MYH10: variants seen among roughly 807,000 people sequenced by gnomAD.
MYH10 encodes myosin heavy chain 10.
Under a neutral mutation model 257.8 loss-of-function variants are expected in MYH10, and 55 were observed. That is an observed-to-expected ratio of 0.21 (90% CI 0.17 to 0.27). MYH10 has a LOEUF of 0.27. MYH10 is among the 10% of genes least tolerant of loss of function. The pLI is 1.00. For missense variants in MYH10, 1,631 were observed against 2,500.6 expected (o/e 0.65, Z 7.42); for synonymous variants, 854 against 921.7 (o/e 0.93, Z 1.33).
In MYH10 at chr17:8,495,029, C is replaced by G; in HGVS notation, c.4056+108G>C. ...CTCCAAATAAAAGTATGACATAAAA[C>G]TAGTAAGAGGTGACACAGAAGGCAA... On this transcript the variant is annotated intron_variant, in intron 31 of 42. Coordinates refer to ENST00000360416, the MANE Select transcript of MYH10 (RefSeq NM_001256012.3). 5.8e-6 allele frequency: 4 copies of G among 687,862 alleles called. No individual in the cohort carries two copies. In the South Asian group the frequency reaches 7.1e-5, roughly 12 times the overall value. The allele number at this position is 687,862 out of a possible 1,614,324, so 42.6% of individuals were successfully genotyped here. A position where few individuals can be genotyped will look rare whatever the true frequency, so the allele number is the denominator to read the frequency against.
chr17:8,587,344 A>G (rs1246179022), intron 4 of MYH10, among the ~76,000 whole-genome samples: 3 of 152,142 alleles, frequency 2.0e-5, no homozygotes, highest in African/African-American at 7.2e-5. Flanking sequence ...GCTAATTTAT[A>G]TAACTCCTCA....
intron 14 of MYH10, among the ~76,000 whole-genome samples, chr17:8,539,899 C>T (rs1288857053): frequency 6.6e-6 from 1 of 152,198 alleles, no homozygotes; most frequent in African/African-American, 2.4e-5. Context: ...CAATAAATTG[C>T]TATCTGGATC....
At position 8,545,635 on chromosome 17, in the gene MYH10, A is replaced by G. The variant is rs1252650428; in HGVS notation, c.1279-35T>C. On this transcript the variant is annotated intron_variant, in intron 12 of 42. Coordinates refer to ENST00000360416, the MANE Select transcript of MYH10 (RefSeq NM_001256012.3). This position sits in a 1 kb window ranked among gnomAD's most constrained non-coding sequence, Gnocchi z 4.7. Reference sequence around the variant, plus strand: ...AATCACAACAACCTTTTATTCTGGAAACAATCTCAACAAAGCATAAATAGC... The same window carrying G: ...AATCACAACAACCTTTTATTCTGGAGACAATCTCAACAAAGCATAAATAGC... 1 of 1,594,166 alleles carries G rather than the reference A, an allele frequency of 6.3e-7. No homozygotes were observed.
chr17:8,492,210 CCT>C (rs1232068486), intron 34 of MYH10, 85 bp downstream of exon 34: 21 of 1,363,496 alleles, frequency 1.5e-5, no homozygotes, highest in East Asian at 2.3e-5. Flanking sequence ...TTCAGGCTCC[CCT>C]GAGGAGTCGC....
Position 8,535,557 on chromosome 17 carries a change from A to T in MYH10, c.1780-56T>A. 1 of 1,476,064 alleles carries T rather than the reference A, an allele frequency of 6.8e-7. No homozygotes were observed. Among genetic ancestry groups the T allele is most frequent in the Non-Finnish European group, 9.3e-7 (1 of 1,073,948 alleles). The allele number at this position is 1,476,064 out of a possible 1,614,324, so 91.4% of individuals were successfully genotyped here. On this transcript the variant is annotated intron_variant, in intron 15 of 42. Coordinates refer to ENST00000360416, the MANE Select transcript of MYH10 (RefSeq NM_001256012.3). The surrounding 1 kb of genome is among the most constrained non-coding windows in gnomAD (Gnocchi z 4.3). ...ATGGAGAACACAAAACCAAATGCAA[A>T]AACAAAAACACTTTAAGCCTCAACC...
chr17:8,558,428 C>T (rs1274180413), intron 7 of MYH10, among the ~76,000 whole-genome samples: 1 of 152,160 alleles, frequency 6.6e-6, no homozygotes, highest in Non-Finnish European at 1.5e-5. Flanking sequence ...TTACCACATA[C>T]ATTAGCTGCT....
At chr17:8,548,248 A>G in intron 11 of MYH10, 65 bp downstream of exon 11, 1 of 1,290,608 alleles carries the variant, frequency 7.7e-7, no homozygotes, top group Non-Finnish European at 1.1e-6. Flanking sequence ...CTTGCACTGT[A>G]ACACCTTCTT....
chr17:8,539,415 TCA>T (rs1239395130), intron 14 of MYH10, among the ~76,000 whole-genome samples: 2 of 152,126 alleles, frequency 1.3e-5, no homozygotes, highest in East Asian at 3.8e-4. Context: ...TTTTCCGAAT[TCA>T]CAGAGCATCA....
chr17:8,566,879 G>A (rs2083181787), intron 7 of MYH10, among the ~76,000 whole-genome samples: 1 of 152,134 alleles, frequency 6.6e-6, no homozygotes, highest in South Asian at 2.1e-4. Flanking sequence ...CTTTACCCAA[G>A]GACACAAATG....
Position 8,478,264 on chromosome 17 carries a change from C to T in MYH10, c.5706+74G>A, listed in dbSNP as rs958777325. 3.9e-6 allele frequency: 5 copies of T among 1,280,698 alleles called. No individual in the cohort carries two copies. The South Asian group carries it at 4.8e-5, about 12-fold the overall frequency. 79.3% of individuals were successfully genotyped at this position (1,280,698 alleles called of 1,614,324 possible). On this transcript the variant is annotated intron_variant, in intron 41 of 42. Coordinates refer to ENST00000360416, the MANE Select transcript of MYH10 (RefSeq NM_001256012.3). ...CGGGAGGGCCCTGAATTCCACTGGT[C>T]AGTTGTGCCACCAGCTCATTCTCCA...
intron 7 of MYH10, among the ~76,000 whole-genome samples, chr17:8,557,605 C>T (rs552415616): frequency 3.3e-5 from 5 of 152,254 alleles, no homozygotes; most frequent in Admixed American, 6.5e-5. Flanking sequence ...GGCACTATGT[C>T]GTCATCACAA....
chr17:8,489,639 G>C (rs1030274247), intron 35 of MYH10, among the ~76,000 whole-genome samples: 10 of 151,648 alleles, frequency 6.6e-5, no homozygotes, highest in African/African-American at 2.4e-4. Context: ...GGGAGGCAGA[G>C]GTTGCAGTGA....
At chr17:8,513,940 T>G (rs2081379437) in intron 21 of MYH10, 46 bp from the exon 22 acceptor site, 2 of 1,514,024 alleles carry the variant, frequency 1.3e-6, no homozygotes, top group Non-Finnish European at 1.8e-6. Context: ...AAAAAGTGCT[T>G]GAATGGCTGT....
chr17:8,518,104 CGTGTGTGTGTGTGTGTGT>C (rs58352961), intron 21 of MYH10, among the ~76,000 whole-genome samples: 24 of 116,578 alleles, frequency 2.1e-4, no homozygotes, highest in South Asian at 1.6e-3. Context: ...CCCTTGGCCC[CGTGTGTGTGTGTGTGTGT>C]GTGTGTGTGT....
intron 3 of MYH10, among the ~76,000 whole-genome samples, chr17:8,601,510 CA>C (rs1197831226): frequency 6.6e-6 from 1 of 152,112 alleles, no homozygotes; most frequent in Non-Finnish European, 1.5e-5. Context: ...TGACCTTTTT[CA>C]AAAATATCAC....
intron 16 of MYH10, among the ~76,000 whole-genome samples, chr17:8,533,980 T>A (rs1298344245): frequency 6.6e-6 from 1 of 152,096 alleles, no homozygotes; most frequent in African/African-American, 2.4e-5. Flanking sequence ...CCATCCACAT[T>A]TCCAACTCAC....
chr17:8,625,188 T>C (rs1057040379), intron 1 of MYH10, among the ~76,000 whole-genome samples: 1 of 151,652 alleles, frequency 6.6e-6, no homozygotes, highest in Non-Finnish European at 1.5e-5. Flanking sequence ...GAGGCGGAGG[T>C]TGCAGTGAGC....
At chr17:8,609,934 T>G (rs1597969205) in intron 2 of MYH10, among the ~76,000 whole-genome samples, 2 of 149,392 alleles carry the variant, frequency 1.3e-5, no homozygotes, top group Non-Finnish European at 3.0e-5. Flanking sequence ...ACTGTGTGTG[T>G]GGAGGAATAC....
At chr17:8,485,864 A>T (rs1914672791) in intron 36 of MYH10, among the ~76,000 whole-genome samples, 1 of 152,250 alleles carries the variant, frequency 6.6e-6, no homozygotes, top group Admixed American at 6.5e-5. Flanking sequence ...ATGTCCACAC[A>T]AATGCATATG....
Sources: allele counts gnomAD v4.1 joint callset (sites outside exome capture counted in the v4.1 genomes callset), GRCh38; gene constraint gnomAD v4.1.1; non-coding constraint Gnocchi (gnomAD v3.1); transcripts MANE v1.5; gene names NCBI Gene and HGNC (gene_info 2026-07-23, HGNC 2026-07-21).